Variants in DAB2IP observed in about 807,000 individuals in gnomAD.
DAB2IP encodes the protein disabled homolog 2-interacting protein.
DAB2IP carries 28 observed loss-of-function variants against 107.2 expected under a neutral mutation model. That is an observed-to-expected ratio of 0.26 (90% CI 0.19 to 0.36). DAB2IP has a LOEUF of 0.36. Ranked by LOEUF, DAB2IP falls within the 10% of genes least tolerant of loss-of-function variation. The pLI is 1.00. For synonymous variants in DAB2IP, 755 were observed against 706.4 expected, an observed-to-expected ratio of 1.07 and a Z score of -1.09; for missense variants, 1,400 against 1,644.7, an observed-to-expected ratio of 0.85 and a Z score of 2.57.
At chr9:121,759,766 G>T in intron 5 of DAB2IP, 119 bp from the exon 6 acceptor site, 1 of 896,620 alleles carries the variant, frequency 1.1e-6, no homozygotes, top group Non-Finnish European at 1.7e-6. Context: ...CTAGGCGCCC[G>T]CTGCCGCCTC....
chr9:121,682,769 C>T (rs1364159548), intron 2 of DAB2IP, among the ~76,000 whole-genome samples: 1 of 152,196 alleles, frequency 6.6e-6, no homozygotes, highest in African/African-American at 2.4e-5. Flanking sequence ...TTCCCCGACC[C>T]AGGTTTCAGG....
intron 3 of DAB2IP, among the ~76,000 whole-genome samples, chr9:121,731,665 G>GTGGGGC (rs55943212): frequency 9.7e-4 from 147 of 152,098 alleles, no homozygotes; most frequent in East Asian, 2.9e-3. Flanking sequence ...AGATTGCCCA[G>GTGGGGC]TGGGGCTGGG....
intron 2 of DAB2IP, among the ~76,000 whole-genome samples, chr9:121,683,280 G>T (rs1243153664): frequency 6.6e-6 from 1 of 152,160 alleles, no homozygotes; most frequent in Non-Finnish European, 1.5e-5. Flanking sequence ...GGGAGGCAAA[G>T]AGCTGATGAC....
upstream of DAB2IP, among the ~76,000 whole-genome samples, chr9:121,649,713 C>T (rs1417075391): frequency 3.9e-5 from 6 of 152,224 alleles, no homozygotes; most frequent in Admixed American, 2.6e-4. Flanking sequence ...CAGAACCCCA[C>T]CTACGTGAGG....
At chr9:121,708,700 C>G (rs1015912246) in intron 3 of DAB2IP, among the ~76,000 whole-genome samples, 1 of 152,344 alleles carries the variant, frequency 6.6e-6, no homozygotes, top group South Asian at 2.1e-4. Context: ...GGAAGTGTAC[C>G]CATTTACTTA....
intron 1 of DAB2IP, among the ~76,000 whole-genome samples, chr9:121,630,532 A>AT (rs1158012972): frequency 1.5e-3 from 165 of 110,212 alleles, no homozygotes; most frequent in African/African-American, 2.4e-3. Context: ...CTCATAAAAA[A>AT]ATTTTTTTTT....
intron 12 of DAB2IP, 38 bp from the exon 13 acceptor site, chr9:121,774,222 A>G (rs1588007219): frequency 4.0e-6 from 6 of 1,515,402 alleles, no homozygotes; most frequent in Non-Finnish European, 4.4e-6. Flanking sequence ...CTTGCCCTCC[A>G]CCTCCCTGCA....
chr9:121,685,405 TG>T (rs1298054942), intron 2 of DAB2IP, among the ~76,000 whole-genome samples: 2 of 152,168 alleles, frequency 1.3e-5, no homozygotes, highest in Non-Finnish European at 2.9e-5. Context: ...CAGGCTAGTC[TG>T]AGGCCTGGGA....
intron 1 of DAB2IP, among the ~76,000 whole-genome samples, chr9:121,666,395 C>G (rs892659515): frequency 6.6e-6 from 1 of 152,208 alleles, no homozygotes; most frequent in Non-Finnish European, 1.5e-5. Context: ...CATTATTGTG[C>G]GTAGCACAGG....
Position 121,762,464 on chromosome 9 carries a change from CATG to C in DAB2IP, c.1171-1038_1171-1036del, listed in dbSNP as rs151098390. Among the ~76,000 whole-genome samples, 1,170 of 152,318 alleles carry C rather than the reference CATG, an allele frequency of 7.7e-3. 9 individuals carry two copies. The highest frequency in any genetic ancestry group is 0.054 in the Middle Eastern group (16 of 294). On this transcript the variant is annotated intron_variant, in intron 6 of 15. Transcript: ENST00000408936. ...TGGTCAGGAAGGGGTCCTCAGGCCA[CATG>C]ATCCCCAGGAAGCCAATGACAGCTT...
chr9:121,625,804 C>G (rs1292883832), intron 1 of DAB2IP, among the ~76,000 whole-genome samples: 1 of 151,806 alleles, frequency 6.6e-6, no homozygotes, highest in Non-Finnish European at 1.5e-5. Context: ...AATATGTGAT[C>G]TAGTTGTCTC....
rs987675143 is a variant in DAB2IP, at chr9:121,701,791, G to A, written c.362+2333G>A. ...GCCCCCCAGCTCATGGCCAAACCTG[G>A]ATGAGTGGAGCAGTGCCTCTCCCTG... is the stretch of plus-strand genomic sequence containing the variant. On this transcript the variant is annotated intron_variant, in intron 3 of 15. Transcript: ENST00000408936. This position sits in a 1 kb window ranked among gnomAD's most constrained non-coding sequence, Gnocchi z 4.7. Among the ~76,000 whole-genome samples, 1 of 152,180 alleles carries A rather than the reference G, an allele frequency of 6.6e-6. No individual in the cohort carries two copies. The highest frequency in any genetic ancestry group is 1.5e-5 in the Non-Finnish European group (1 of 68,036).
At chr9:121,705,022 A>C (rs1241387965) in intron 3 of DAB2IP, among the ~76,000 whole-genome samples, 4 of 152,254 alleles carry the variant, frequency 2.6e-5, no homozygotes, top group Admixed American at 6.5e-5. Context: ...GAGGAAGGGG[A>C]GAGCCACAGA....
intron 1 of DAB2IP, among the ~76,000 whole-genome samples, chr9:121,616,297 G>A (rs1052822005): frequency 6.6e-6 from 1 of 152,202 alleles, no homozygotes; most frequent in Non-Finnish European, 1.5e-5. Flanking sequence ...CTCTTTTAGA[G>A]TCCTCTTTTT....
At chr9:121,606,704 A>T (rs568899966) in intron 1 of DAB2IP, among the ~76,000 whole-genome samples, 1 of 151,474 alleles carries the variant, frequency 6.6e-6, no homozygotes, top group South Asian at 2.1e-4. Context: ...CCATCATTGG[A>T]TGAGTGTGAA....
chr9:121,745,987 C>G (rs1196956126), intron 3 of DAB2IP, among the ~76,000 whole-genome samples: 1 of 152,112 alleles, frequency 6.6e-6, no homozygotes, highest in Admixed American at 6.5e-5. Flanking sequence ...CTTAAAACGG[C>G]CTGTACTCTG....
chr9:121,575,209 C>T (rs1232844375), intron 1 of DAB2IP: 2 of 152,418 alleles, frequency 1.3e-5, no homozygotes, highest in Non-Finnish European at 2.9e-5. Flanking sequence ...CTGTACTTAA[C>T]ACCCCCAGGC....
chr9:121,783,468 T>TA, exon 16 of DAB2IP: 8 of 1,613,562 alleles, frequency 5.0e-6, no homozygotes, highest in Non-Finnish European at 5.9e-6. Flanking sequence ...AGTGATGGTT[T>TA]AAAAAAAGAT....
chr9:121,585,585 G>A (rs551888356), intron 1 of DAB2IP, among the ~76,000 whole-genome samples: 3 of 152,292 alleles, frequency 2.0e-5, no homozygotes, highest in Non-Finnish European at 2.9e-5. Context: ...GGCTGGGCGC[G>A]GTGGCTCACG....
Sources: gnomAD v4.1 joint callset for allele counts (sites outside exome capture counted in the v4.1 genomes callset) on GRCh38, gnomAD v4.1.1 for gene constraint, Gnocchi (gnomAD v3.1) non-coding constraint, MANE v1.5 for transcripts, NCBI Gene and HGNC (gene_info 2026-07-23, HGNC 2026-07-21) for gene names.